Variants in GRIK2 observed in about 807,000 individuals in gnomAD.
GRIK2 encodes the protein glutamate ionotropic receptor kainate type subunit 2, also known as glutamate receptor ionotropic, kainate 2.
In GRIK2, 32 loss-of-function variants were observed where a neutral mutation model predicts 100.3. The observed-to-expected ratio is 0.32, with a 90% confidence interval of 0.24 to 0.43. The LOEUF (loss-of-function observed/expected upper bound fraction) is 0.43. Ranked by LOEUF, GRIK2 falls within the 20% of genes least tolerant of loss-of-function variation. The pLI, the probability that GRIK2 is intolerant of heterozygous loss-of-function variation, is 1.00. For missense variants in GRIK2, 843 were observed against 1,114.9 expected (o/e 0.76, Z 3.47); for synonymous variants, 417 against 389.4 (o/e 1.07, Z -0.83).
intron 2 of GRIK2, among the ~76,000 whole-genome samples, chr6:101,615,018 A>T (rs1015794374): frequency 2.0e-5 from 3 of 151,748 alleles, no homozygotes; most frequent in Non-Finnish European, 4.4e-5. Flanking sequence ...AGAGACTGTG[A>T]TGTGAAAAGT....
intron 12 of GRIK2, among the ~76,000 whole-genome samples, chr6:101,907,585 CTG>C (rs1165308912): frequency 6.6e-6 from 1 of 151,696 alleles, no homozygotes; most frequent in Non-Finnish European, 1.5e-5. Flanking sequence ...ACTTTCACAA[CTG>C]TAAGTAAAGT....
chr6:101,763,825 G>A (rs964450619), intron 7 of GRIK2, among the ~76,000 whole-genome samples: 5 of 143,180 alleles, frequency 3.5e-5, no homozygotes, highest in South Asian at 2.1e-4. Flanking sequence ...GAGGCCATGC[G>A]TTTTTTTGTT....
At chr6:101,899,102 GTT>G (rs1171630693) in intron 12 of GRIK2, among the ~76,000 whole-genome samples, 1 of 130,200 alleles carries the variant, frequency 7.7e-6, no homozygotes, top group African/African-American at 2.7e-5. Context: ...TGTTGTTTTT[GTT>G]TTTTTTTTTT....
intron 2 of GRIK2, among the ~76,000 whole-genome samples, chr6:101,542,128 T>A (rs1466453778): frequency 1.3e-5 from 2 of 152,036 alleles, no homozygotes; most frequent in Non-Finnish European, 2.9e-5. Context: ...CTAGGGAAAC[T>A]GTAATAATCA....
chr6:101,824,374 C>T (rs1460168283), intron 10 of GRIK2, among the ~76,000 whole-genome samples: 1 of 152,224 alleles, frequency 6.6e-6, no homozygotes, highest in East Asian at 1.9e-4. Context: ...TTATGAGTGA[C>T]AACATACAGT....
intron 14 of GRIK2, among the ~76,000 whole-genome samples, chr6:101,950,869 T>C (rs1044054130): frequency 2.6e-5 from 4 of 152,332 alleles, no homozygotes; most frequent in South Asian, 2.1e-4. Context: ...GGAGAACTTA[T>C]AGGTGGCATA....
chr6:101,719,138 G>GTTTTTTTTTTTTTTTTTTTT (rs60301711), intron 7 of GRIK2, among the ~76,000 whole-genome samples: 3 of 101,168 alleles, frequency 3.0e-5, no homozygotes, highest in Admixed American at 1.0e-4. Context: ...GGCTGCAAGG[G>GTTTTTTTTTTTTTTTTTTTT]TTTTTTTTTT....
chr6:101,996,812 A>T (rs1794676001), intron 14 of GRIK2, among the ~76,000 whole-genome samples: 1 of 152,084 alleles, frequency 6.6e-6, no homozygotes, highest in South Asian at 2.1e-4. Context: ...ATATTGAATC[A>T]CTACTTAGAA....
At chr6:101,702,020 C>T (rs1032724460) in intron 7 of GRIK2, among the ~76,000 whole-genome samples, 2 of 151,668 alleles carry the variant, frequency 1.3e-5, no homozygotes, top group Non-Finnish European at 2.9e-5. Context: ...CAGGAGGCTA[C>T]TATCATGTTT....
intron 2 of GRIK2, among the ~76,000 whole-genome samples, chr6:101,591,478 T>A (rs550814340): frequency 1.3e-5 from 2 of 152,168 alleles, no homozygotes; most frequent in South Asian, 4.1e-4. Flanking sequence ...TATTAAACTA[T>A]GAACCTTTGT....
chr6:101,997,520 C>A (rs1794713727), intron 14 of GRIK2, among the ~76,000 whole-genome samples: 1 of 152,050 alleles, frequency 6.6e-6, no homozygotes, highest in Non-Finnish European at 1.5e-5. Context: ...ACAGTACCTG[C>A]TCATCACATA....
At chr6:101,454,463 C>T (rs948232840) in intron 2 of GRIK2, among the ~76,000 whole-genome samples, 1 of 152,100 alleles carries the variant, frequency 6.6e-6, no homozygotes, top group East Asian at 1.9e-4. Context: ...TAGACCTTCC[C>T]GTCAGGGGAA....
At chr6:101,966,950 T>C (rs1234566114) in intron 14 of GRIK2, among the ~76,000 whole-genome samples, 3 of 152,072 alleles carry the variant, frequency 2.0e-5, no homozygotes, top group Non-Finnish European at 4.4e-5. Flanking sequence ...TGTGATATTA[T>C]GTATTCATGA....
chr6:101,506,691 C>T (rs1374826764), intron 2 of GRIK2, among the ~76,000 whole-genome samples: 15 of 152,086 alleles, frequency 9.9e-5, no homozygotes, highest in African/African-American at 2.4e-5. Flanking sequence ...GATGTTAATA[C>T]TGTTAGCTCA....
At chr6:101,624,116 A>G (rs1005636559) in intron 3 of GRIK2, among the ~76,000 whole-genome samples, 1 of 152,092 alleles carries the variant, frequency 6.6e-6, no homozygotes, top group African/African-American at 2.4e-5. Context: ...GTTCTGCTCA[A>G]TTAATAAATA....
chr6:101,854,317 T>C (rs954711753), intron 10 of GRIK2, among the ~76,000 whole-genome samples: 1 of 152,180 alleles, frequency 6.6e-6, no homozygotes, highest in Admixed American at 6.5e-5. Flanking sequence ...TGGAGTGCAA[T>C]GGCACAATCT....
rs138666308 is a variant in GRIK2, at chr6:102,016,397, G to A, written c.2086-18944G>A. On this transcript the variant is annotated intron_variant, in intron 14 of 16. Transcript: ENST00000369134. ...AGACCATGCTGAGGAAAGAATCTCA[G>A]AGCTTGAAGACTGTTTTTCTGAAAT... Among the ~76,000 whole-genome samples, 193 of 152,178 alleles carry A rather than the reference G, an allele frequency of 1.3e-3. 3 individuals are homozygous for A. In the East Asian group the frequency reaches 0.035, roughly 28 times the overall value.
chr6:101,807,508 C>T (rs979651128), intron 9 of GRIK2, among the ~76,000 whole-genome samples: 1 of 151,900 alleles, frequency 6.6e-6, no homozygotes, highest in South Asian at 2.1e-4. Context: ...AGGGAGACAG[C>T]CTTCATCACT....
At chr6:101,552,145 C>A in intron 2 of GRIK2, among the ~76,000 whole-genome samples, 1 of 151,992 alleles carries the variant, frequency 6.6e-6, no homozygotes, top group East Asian at 1.9e-4. Flanking sequence ...AAGAGGAGAC[C>A]TTGGAAGTGG....
Sources: gnomAD v4.1 joint callset for allele counts (sites outside exome capture counted in the v4.1 genomes callset) on GRCh38, gnomAD v4.1.1 for gene constraint, MANE v1.5 for transcripts, NCBI Gene and HGNC (gene_info 2026-07-23, HGNC 2026-07-21) for gene names.